Variants in CCDC150 observed in about 807,000 individuals in gnomAD.
CCDC150 encodes the protein coiled-coil domain-containing protein 150.
A neutral mutation model predicts 156.5 loss-of-function variants in CCDC150; 151 were observed. The observed-to-expected ratio is 0.97, with a 90% CI of 0.85 to 1.10. The LOEUF (loss-of-function observed/expected upper bound fraction) is 1.10, where lower values mean the gene tolerates loss of function less well. Among genes scored for constraint, CCDC150 ranks in the 50% least tolerant of loss-of-function variants. The probability of loss-of-function intolerance (pLI) is 0.00; values close to 1 mark genes in which losing one functional copy is unlikely to be tolerated. For synonymous variants in CCDC150, 452 were observed against 429.4 expected (o/e 1.05, Z -0.65); for missense variants, 1,312 against 1,268.1 (o/e 1.03, Z -0.53).
rs868677733 is a variant in CCDC150, at chr2:196,672,369, G to T, written c.961G>T (p.Glu321Ter). The T allele has an allele frequency of 1.3e-6, 2 of 1,536,426 alleles. No individual in the cohort carries two copies. Among genetic ancestry groups the T allele is most frequent in the East Asian group, 4.8e-5 (2 of 41,386 alleles). ...GAACCTGCAGATATCTTTCAACAAGGAACATGAAGAAAATGCATATTTGAG... is the reference window on the plus strand; with the variant it reads ...GAACCTGCAGATATCTTTCAACAAGTAACATGAAGAAAATGCATATTTGAG... ...NKNLQISFNK[E>*]HEENAYLRSE... Residue 321 changes from glutamate to a stop codon, truncating the protein, a stop_gained, in exon 9 of 28, where the codon GAA (glutamate) becomes TAA (stop). Transcript: ENST00000389175. LOFTEE classifies it high-confidence loss of function.
At chr2:196,701,572 T>C (rs1175942443) in intron 15 of CCDC150, among the ~76,000 whole-genome samples, 1 of 152,210 alleles carries the variant, frequency 6.6e-6, no homozygotes, top group African/African-American at 2.4e-5. Flanking sequence ...TTGCTGCCTG[T>C]GGGTTTTGTC....
At chr2:196,683,869 A>C (rs1025036019) in intron 13 of CCDC150, among the ~76,000 whole-genome samples, 1 of 151,880 alleles carries the variant, frequency 6.6e-6, no homozygotes, top group Non-Finnish European at 1.5e-5. Context: ...CTGACTGCTA[A>C]TTTTAATAAT....
intron 8 of CCDC150, among the ~76,000 whole-genome samples, chr2:196,671,769 C>T (rs1694218938): frequency 6.6e-6 from 1 of 152,092 alleles, no homozygotes; most frequent in South Asian, 2.1e-4. Flanking sequence ...ATTCCTTTGT[C>T]TGGATATACC....
At chr2:196,670,688 TG>T (rs1220567570) in intron 8 of CCDC150, among the ~76,000 whole-genome samples, 9 of 152,228 alleles carry the variant, frequency 5.9e-5, no homozygotes, top group Non-Finnish European at 8.8e-5. Context: ...AAGATCTTAC[TG>T]CTAATAGGAA....
chr2:196,691,654 G>A (rs987388035), intron 13 of CCDC150, among the ~76,000 whole-genome samples: 77 of 150,912 alleles, frequency 5.1e-4, no homozygotes, highest in Non-Finnish European at 1.5e-4. Context: ...TTTTAAAACA[G>A]CTCCCGGGCT....
intron 1 of CCDC150, among the ~76,000 whole-genome samples, chr2:196,641,926 T>G (rs935477293): frequency 6.6e-6 from 1 of 152,216 alleles, no homozygotes; most frequent in African/African-American, 2.4e-5. Context: ...TGTTCTCTTT[T>G]CAAAGTCATC....
intron 1 of CCDC150, among the ~76,000 whole-genome samples, chr2:196,645,819 A>G (rs201772184): frequency 2.0e-5 from 3 of 152,216 alleles, no homozygotes. Flanking sequence ...TTTTATGGCA[A>G]CTGTACAGAG....
intron 2 of CCDC150, among the ~76,000 whole-genome samples, chr2:196,646,888 C>T (rs1053029712): frequency 2.0e-4 from 30 of 152,038 alleles, no homozygotes; most frequent in African/African-American, 6.8e-4. Context: ...TCATTTTCTT[C>T]TCCCATATTT....
intron 15 of CCDC150, among the ~76,000 whole-genome samples, chr2:196,704,702 C>T (rs1696480292): frequency 6.6e-6 from 1 of 152,132 alleles, no homozygotes; most frequent in African/African-American, 2.4e-5. Context: ...CCTTCCGCTG[C>T]TCCCCACCCC....
rs1192556326 is a variant in CCDC150, at chr2:196,719,617, A to G, written c.2116A>G (p.Ile706Val). The G allele has an allele frequency of 1.9e-6, 3 of 1,613,224 alleles. No individual in the cohort carries two copies. The highest frequency in any genetic ancestry group is 1.1e-5 in the South Asian group (1 of 90,904). ...GCAAGGTGCTCTGGAGAAAGTACAA[A>G]TAGAGCTTGGGCGGAGGGATTCAGA... is the stretch of plus-strand genomic sequence containing the variant. ...KMQGALEKVQIELGRRDSEIA... is the reference protein window; with the variant it reads ...KMQGALEKVQVELGRRDSEIA... Residue 706 changes from isoleucine to valine, a missense_variant, in exon 19 of 28, where the codon ATA (isoleucine) becomes GTA (valine). Transcript: ENST00000389175.
chr2:196,726,299 G>T (rs890385242), intron 22 of CCDC150, 200 bp downstream of exon 22: 17 of 479,698 alleles, frequency 3.5e-5, no homozygotes, highest in Non-Finnish European at 5.2e-5. Flanking sequence ...ACAAAGGTGT[G>T]CCTTGATGGG....
intron 5 of CCDC150, among the ~76,000 whole-genome samples, chr2:196,660,848 A>G (rs1395245650): frequency 1.3e-5 from 2 of 152,124 alleles, no homozygotes; most frequent in Non-Finnish European, 2.9e-5. Flanking sequence ...GTACTGTTAG[A>G]ATTGTATCTA....
intron 17 of CCDC150, among the ~76,000 whole-genome samples, chr2:196,717,169 G>C (rs771163963): frequency 6.6e-6 from 1 of 152,064 alleles, no homozygotes; most frequent in African/African-American, 2.4e-5. Flanking sequence ...GATTACAGGG[G>C]TGAGCCACCA....
At chr2:196,652,145 A>C in intron 2 of CCDC150, among the ~76,000 whole-genome samples, 1 of 152,266 alleles carries the variant, frequency 6.6e-6, no homozygotes, top group Non-Finnish European at 1.5e-5. Flanking sequence ...AAACATCCAA[A>C]CTATATCATT....
At position 196,676,687 on chromosome 2, in the gene CCDC150, GAGA is replaced by G. The variant is rs778255369; in HGVS notation, c.1402_1404del (p.Lys468del). The G allele has an allele frequency of 1.7e-4, 282 of 1,613,716 alleles. No homozygotes were observed. The highest frequency in any genetic ancestry group is 2.3e-4 in the Non-Finnish European group (266 of 1,179,784). Reference sequence around the variant, plus strand: ...AGGTGAATTGGAAGCATCAATGCAAGAGAAGAAGTCTCTGCTAGAGGAGAAAGA... The same window carrying G: ...AGGTGAATTGGAAGCATCAATGCAAGAGAAGTCTCTGCTAGAGGAGAAAGA... On this transcript the variant is annotated inframe_deletion, in exon 12 of 28. Transcript: ENST00000389175.
intron 13 of CCDC150, among the ~76,000 whole-genome samples, chr2:196,690,092 G>A (rs1190999161): frequency 6.6e-6 from 1 of 151,968 alleles, no homozygotes; most frequent in Non-Finnish European, 1.5e-5. Flanking sequence ...GGATGAAATT[G>A]GAAATCATCA....
At chr2:196,649,030 T>C (rs1232066340) in intron 2 of CCDC150, among the ~76,000 whole-genome samples, 1 of 152,224 alleles carries the variant, frequency 6.6e-6, no homozygotes, top group Non-Finnish European at 1.5e-5. Flanking sequence ...GCTCTCTTTA[T>C]TACTATAGCT....
intron 27 of CCDC150, 88 bp from the exon 28 acceptor site, chr2:196,732,358 A>G (rs1698567619): frequency 1.8e-6 from 2 of 1,120,096 alleles, no homozygotes; most frequent in African/African-American, 3.1e-5. Flanking sequence ...GTCTTCATGA[A>G]TAGATGACAT....
At chr2:196,717,775 A>G (rs1316890521) in intron 17 of CCDC150, among the ~76,000 whole-genome samples, 1 of 152,096 alleles carries the variant, frequency 6.6e-6, no homozygotes, top group Non-Finnish European at 1.5e-5. Context: ...CTGTAATTCC[A>G]GCTACTTGGG....
Sources: gnomAD v4.1 joint callset for allele counts (sites outside exome capture counted in the v4.1 genomes callset) on GRCh38, gnomAD v4.1.1 for gene constraint, MANE v1.5 for transcripts, NCBI Gene and HGNC (gene_info 2026-07-23, HGNC 2026-07-21) for gene names.